Variants in NEGR1 observed in about 807,000 individuals in gnomAD.
The protein encoded by NEGR1 is neuronal growth regulator 1.
NEGR1 carries 10 observed loss-of-function variants against 40.9 expected under a neutral mutation model. The ratio of observed to expected loss-of-function variants is 0.24; its 90% CI spans 0.15 to 0.42. The LOEUF (loss-of-function observed/expected upper bound fraction) is 0.42. Among genes scored for constraint, NEGR1 ranks in the 10% least tolerant of loss-of-function variants. NEGR1 has a pLI of 1.00. For missense variants in NEGR1, 352 were observed against 438.9 expected (o/e 0.80, Z 1.77); for synonymous variants, 185 against 166.8 (o/e 1.11, Z -0.84).
chr1:72,241,977 C>G (rs1305262829), intron 1 of NEGR1, among the ~76,000 whole-genome samples: 1 of 151,596 alleles, frequency 6.6e-6, no homozygotes, highest in Non-Finnish European at 1.5e-5. Flanking sequence ...CCATACCCTA[C>G]AGTTTGAAAC....
chr1:72,248,162 T>C (rs769260401), intron 1 of NEGR1, among the ~76,000 whole-genome samples: 5 of 152,026 alleles, frequency 3.3e-5, no homozygotes, highest in African/African-American at 1.2e-4. Context: ...TAATTCAGTA[T>C]GAGATTTGGG....
intron 2 of NEGR1, among the ~76,000 whole-genome samples, chr1:71,909,800 T>C (rs962000744): frequency 2.0e-5 from 3 of 152,228 alleles, no homozygotes; most frequent in Non-Finnish European, 4.4e-5. Flanking sequence ...ACCGAATCAA[T>C]ACATTAATAT....
intron 2 of NEGR1, among the ~76,000 whole-genome samples, chr1:71,800,415 C>A (rs920735195): frequency 6.6e-6 from 1 of 152,118 alleles, no homozygotes; most frequent in Admixed American, 6.5e-5. Flanking sequence ...ATCATGAAGT[C>A]TTTGCCCATG....
chr1:71,914,734 G>A (rs1004016500), intron 2 of NEGR1, among the ~76,000 whole-genome samples: 5 of 152,122 alleles, frequency 3.3e-5, no homozygotes, highest in African/African-American at 1.2e-4. Flanking sequence ...AGGATTGAGA[G>A]CTACCACAGC....
At chr1:71,408,226 A>C (rs1333663036) in intron 6 of NEGR1, among the ~76,000 whole-genome samples, 2 of 152,036 alleles carry the variant, frequency 1.3e-5, no homozygotes, top group African/African-American at 4.8e-5. Context: ...GGACAGAGCA[A>C]GGTGTGTCGT....
At chr1:72,098,320 T>G (rs1007381959) in intron 1 of NEGR1, among the ~76,000 whole-genome samples, 3 of 152,146 alleles carry the variant, frequency 2.0e-5, no homozygotes, top group African/African-American at 7.2e-5. Flanking sequence ...ACATAATTCC[T>G]TTGTCTGTAG....
chr1:71,987,654 A>T (rs1646407332), intron 1 of NEGR1, among the ~76,000 whole-genome samples: 1 of 152,226 alleles, frequency 6.6e-6, no homozygotes, highest in Non-Finnish European at 1.5e-5. Flanking sequence ...CATTCCCCAC[A>T]GCATTTCAGC....
At chr1:72,212,887 G>A (rs955680316) in intron 1 of NEGR1, among the ~76,000 whole-genome samples, 2 of 151,806 alleles carry the variant, frequency 1.3e-5, no homozygotes, top group Non-Finnish European at 2.9e-5. Context: ...CTTTAAACAG[G>A]AGATCACCCT....
chr1:71,924,090 C>T (rs1377530843), intron 2 of NEGR1, among the ~76,000 whole-genome samples: 3 of 151,974 alleles, frequency 2.0e-5, no homozygotes, highest in Non-Finnish European at 2.9e-5. Flanking sequence ...AGGGTCTCCC[C>T]GTGTTGTCCA....
rs556819924 is a variant in NEGR1 at position 72,222,652 on chromosome 1, A to C, written c.176+59667T>G. Reference sequence around the variant, plus strand: ...ACCTGAAATCTGGACAGGTATGTTAATGGTGGTTAGGTTCACTATGTGTCC... The same window carrying C: ...ACCTGAAATCTGGACAGGTATGTTACTGGTGGTTAGGTTCACTATGTGTCC... On this transcript the variant is annotated intron_variant, in intron 1 of 6. Transcript: ENST00000357731. Among the ~76,000 whole-genome samples, 29 of 152,234 alleles carry C rather than the reference A, an allele frequency of 1.9e-4. No individual in the cohort carries two copies. In the South Asian group the frequency reaches 6.0e-3, roughly 32 times the overall value.
At chr1:71,636,802 C>T (rs1651166868) in intron 4 of NEGR1, among the ~76,000 whole-genome samples, 1 of 152,006 alleles carries the variant, frequency 6.6e-6, no homozygotes, top group Admixed American at 6.6e-5. Context: ...TTGTGTTCCA[C>T]TTAGCAACAA....
At chr1:72,136,067 T>C (rs535974852) in intron 1 of NEGR1, among the ~76,000 whole-genome samples, 2 of 152,186 alleles carry the variant, frequency 1.3e-5, no homozygotes, top group South Asian at 4.1e-4. Flanking sequence ...GGATTAAAAA[T>C]GTCAGGCAAA....
At chr1:71,478,670 A>C (rs1646836684) in intron 6 of NEGR1, among the ~76,000 whole-genome samples, 1 of 151,994 alleles carries the variant, frequency 6.6e-6, no homozygotes, top group Non-Finnish European at 1.5e-5. Flanking sequence ...CACAGAATGA[A>C]AGCAAGTCCC....
chr1:71,732,721 T>G (rs1429818491), intron 3 of NEGR1, among the ~76,000 whole-genome samples: 3 of 152,118 alleles, frequency 2.0e-5, no homozygotes, highest in Non-Finnish European at 2.9e-5. Context: ...GACTGACACA[T>G]AAGTCCTCAA....
Position 71,745,101 on chromosome 1 carries a change from C to T in NEGR1, c.535+31071G>A, listed in dbSNP as rs77512907. ...CTTGAAATCATTAAAATTAAAACTT[C>T]TCTCTTTTTTTGAGGTCCTACAAAC... On this transcript the variant is annotated intron_variant, in intron 3 of 6. Coordinates refer to ENST00000357731, the MANE Select transcript of NEGR1 (RefSeq NM_173808.3). Among the ~76,000 whole-genome samples, 23 of 152,272 alleles carry T rather than the reference C, an allele frequency of 1.5e-4. No individual in the cohort carries two copies. The East Asian group carries it at 4.2e-3, about 28-fold the overall frequency.
intron 6 of NEGR1, among the ~76,000 whole-genome samples, chr1:71,483,933 C>T (rs1042656300): frequency 6.6e-6 from 1 of 151,380 alleles, no homozygotes; most frequent in African/African-American, 2.4e-5. Context: ...CACCTAGATT[C>T]CTATTCCTTA....
chr1:71,908,318 C>T lies in NEGR1; in HGVS notation c.409+26761G>A, dbSNP rs566987967. 2.6e-5 allele frequency among the ~76,000 whole-genome samples: 4 copies of T among 152,028 alleles called. No homozygotes were observed. The South Asian group carries it at 6.2e-4, about 24-fold the overall frequency. ...GCACAGCTTTCATTCTAACTTGATG[C>T]AAACATTTCCAAAAGTTTAATCACA... On this transcript the variant is annotated intron_variant, in intron 2 of 6. Coordinates refer to ENST00000357731, the MANE Select transcript of NEGR1 (RefSeq NM_173808.3).
At chr1:71,792,566 A>C (rs1038769107) in intron 2 of NEGR1, among the ~76,000 whole-genome samples, 2 of 152,182 alleles carry the variant, frequency 1.3e-5, no homozygotes, top group South Asian at 2.1e-4. Context: ...CAAAAACAAC[A>C]GTGACTATGG....
chr1:71,696,469 G>A (rs1442723947), intron 4 of NEGR1, among the ~76,000 whole-genome samples: 1 of 151,564 alleles, frequency 6.6e-6, no homozygotes, highest in Non-Finnish European at 1.5e-5. Flanking sequence ...TTGTTTATTT[G>A]ATAGATTTTA....
Sources: allele counts gnomAD v4.1 joint callset (sites outside exome capture counted in the v4.1 genomes callset), GRCh38; gene constraint gnomAD v4.1.1; transcripts MANE v1.5; gene names NCBI Gene and HGNC (gene_info 2026-07-23, HGNC 2026-07-21).